The following CDKL4 variants were observed in gnomAD, a reference collection of about 807,000 sequenced individuals.
CDKL4 encodes the protein cyclin dependent kinase like 4.
Under a neutral mutation model 42.0 loss-of-function variants are expected in CDKL4, and 44 were observed. The observed-to-expected ratio is 1.05, with a 90% CI of 0.82 to 1.35. The LOEUF is 1.35. Ranked by LOEUF, CDKL4 falls within the 40% of genes most tolerant of loss-of-function variation. CDKL4 has a pLI of 0.00. For missense variants in CDKL4, 393 were observed against 369.9 expected (o/e 1.06, Z -0.51); for synonymous variants, 120 against 121.6 (o/e 0.99, Z 0.09).
chr2:39,192,340 T>G (rs1676236550), intron 5 of CDKL4, among the ~76,000 whole-genome samples: 1 of 152,158 alleles, frequency 6.6e-6, no homozygotes, highest in African/African-American at 2.4e-5. Context: ...TGTTGGAGTC[T>G]TTTTCTTATT....
chr2:39,183,135 T>C (rs1806480), intron 8 of CDKL4, among the ~76,000 whole-genome samples: 134,271 of 152,134 alleles, frequency 0.88, 59,598 homozygotes, highest in Non-Finnish European at 0.94. Context: ...CAAAAATTAG[T>C]CTGGTGTGGT....
intron 3 of CDKL4, among the ~76,000 whole-genome samples, chr2:39,215,131 T>A (rs996718151): frequency 6.6e-6 from 1 of 152,212 alleles, no homozygotes; most frequent in African/African-American, 2.4e-5. Context: ...AAAGTCCCTG[T>A]CTCCTCATTG....
chr2:39,200,669 A>G (rs1291346912), intron 5 of CDKL4, among the ~76,000 whole-genome samples: 3 of 152,086 alleles, frequency 2.0e-5, no homozygotes, highest in Admixed American at 1.3e-4. Flanking sequence ...GAATAGAGAA[A>G]CCAGAAATAA....
At chr2:39,189,340 C>T (rs567647835) in intron 6 of CDKL4, among the ~76,000 whole-genome samples, 4 of 152,216 alleles carry the variant, frequency 2.6e-5, no homozygotes, top group Non-Finnish European at 5.9e-5. Context: ...TCCTATTCTG[C>T]ACTTACCTGG....
chr2:39,178,954 G>C (rs984144419), intron 9 of CDKL4: 1 of 1,441,324 alleles, frequency 6.9e-7, no homozygotes, highest in Non-Finnish European at 9.1e-7. Flanking sequence ...AAAGAGTTGC[G>C]TAACGATTTG....
At chr2:39,245,520 C>T (rs1679876257), upstream of CDKL4, among the ~76,000 whole-genome samples, 1 of 152,222 alleles carries the variant, frequency 6.6e-6, no homozygotes, top group Non-Finnish European at 1.5e-5. Flanking sequence ...TCCGGACATA[C>T]TTCCTCTTGG....
At chr2:39,179,449 G>C (rs1351325325) in intron 8 of CDKL4, 128 bp from the exon 9 acceptor site, 1 of 712,982 alleles carries the variant, frequency 1.4e-6, no homozygotes, top group African/African-American at 1.8e-5. Context: ...GTATTATCAA[G>C]TAGTTGGAGC....
rs112549425 is a variant in CDKL4 at position 39,191,716 on chromosome 2, G to C, written c.455-1214C>G. Among the ~76,000 whole-genome samples the C allele has an allele frequency of 3.0e-3, 457 of 152,306 alleles. 5 individuals are homozygous for C. The highest frequency in any genetic ancestry group is 0.011 in the African/African-American group (439 of 41,566). Reference sequence around the variant, plus strand: ...GTGATAGACAGATGACAGAGAGCTAGGTGCACCCTCACTGCCCAGCCCTGC... The same window carrying C: ...GTGATAGACAGATGACAGAGAGCTACGTGCACCCTCACTGCCCAGCCCTGC... On this transcript the variant is annotated intron_variant, in intron 5 of 9. Coordinates refer to ENST00000451199, the Ensembl canonical transcript of CDKL4.
At chr2:39,207,369 A>G (rs1473187231) in intron 4 of CDKL4, among the ~76,000 whole-genome samples, 1 of 152,158 alleles carries the variant, frequency 6.6e-6, no homozygotes, top group Admixed American at 6.6e-5. Flanking sequence ...TATGTGACAG[A>G]GTGAGACCCT....
chr2:39,197,069 A>AC (rs1676562991), intron 5 of CDKL4, among the ~76,000 whole-genome samples: 1 of 152,226 alleles, frequency 6.6e-6, no homozygotes, highest in South Asian at 2.1e-4. Flanking sequence ...ACCTAAAGAA[A>AC]TAAAAAAATG....
At chr2:39,229,400 T>G in exon 2 of CDKL4, 1 of 1,607,546 alleles carries the variant, frequency 6.2e-7, no homozygotes, top group Non-Finnish European at 8.5e-7. Context: ...GCTATTTTCT[T>G]AACAACAGGA....
chr2:39,204,457 T>A (rs11898025), intron 5 of CDKL4, 70 bp downstream of exon 5: 25,294 of 882,382 alleles, frequency 0.029, 539 homozygotes, highest in African/African-American at 0.085. Context: ...CAATATCCAA[T>A]GTAAGAATTT....
At chr2:39,224,648 C>CA (rs751251535) in intron 3 of CDKL4, among the ~76,000 whole-genome samples, 2 of 151,836 alleles carry the variant, frequency 1.3e-5, no homozygotes, top group African/African-American at 2.4e-5. Context: ...GGACTACAGG[C>CA]ACCCACAACC....
At chr2:39,233,978 A>T (rs1679224732) in intron 1 of CDKL4, among the ~76,000 whole-genome samples, 1 of 142,682 alleles carries the variant, frequency 7.0e-6, no homozygotes, top group South Asian at 2.2e-4. Flanking sequence ...CAGTGGCACG[A>T]TCTCGGCTCA....
At chr2:39,241,056 A>G (rs556571346) in intron 1 of CDKL4, among the ~76,000 whole-genome samples, 1 of 152,266 alleles carries the variant, frequency 6.6e-6, no homozygotes, top group African/African-American at 2.4e-5. Flanking sequence ...GGTGAACAAC[A>G]TGACCATAAA....
chr2:39,245,167 A>G (rs1351968184), upstream of CDKL4, among the ~76,000 whole-genome samples: 1 of 152,200 alleles, frequency 6.6e-6, no homozygotes, highest in African/African-American at 2.4e-5. Flanking sequence ...TCTTTGCAAC[A>G]AATCTTGCTA....
intron 4 of CDKL4, among the ~76,000 whole-genome samples, chr2:39,212,580 C>T (rs549206104): frequency 4.6e-5 from 7 of 151,356 alleles, no homozygotes; most frequent in African/African-American, 1.2e-4. Flanking sequence ...AGATTGCTAT[C>T]GAGTAAAGGA....
downstream of CDKL4, among the ~76,000 whole-genome samples, chr2:39,172,388 C>G (rs148052961): frequency 2.6e-5 from 4 of 151,742 alleles, no homozygotes; most frequent in East Asian, 5.8e-4. Flanking sequence ...TGCTGAAGAG[C>G]AACTGTTGTT....
At chr2:39,246,633 G>A (rs891555486), upstream of CDKL4, among the ~76,000 whole-genome samples, 1 of 152,168 alleles carries the variant, frequency 6.6e-6, no homozygotes, top group Non-Finnish European at 1.5e-5. Flanking sequence ...CCTTGGTCTA[G>A]GCTACAGGTT....
Sources: gnomAD v4.1 joint callset for allele counts (sites outside exome capture counted in the v4.1 genomes callset) on GRCh38, gnomAD v4.1.1 for gene constraint, MANE v1.5 for transcripts, NCBI Gene and HGNC (gene_info 2026-07-23, HGNC 2026-07-21) for gene names.